The following COL20A1 variants were observed in gnomAD, a reference collection of about 807,000 sequenced individuals.
COL20A1 encodes the protein collagen alpha-1(XX) chain.
In COL20A1, 164 loss-of-function variants were observed where a neutral mutation model predicts 152.9. The observed-to-expected ratio is 1.07, with a 90% confidence interval of 0.94 to 1.22. COL20A1 has a LOEUF of 1.22. Ranked by LOEUF, COL20A1 falls within the 50% of genes most tolerant of loss-of-function variation. The pLI is 0.00. For synonymous variants in COL20A1, 864 were observed against 756.0 expected, an observed-to-expected ratio of 1.14 and a Z score of -2.34; for missense variants, 1,873 against 1,744.8, an observed-to-expected ratio of 1.07 and a Z score of -1.31.
chr20:63,298,787 T>C (rs1297300409), intron 3 of COL20A1, among the ~76,000 whole-genome samples: 1 of 152,140 alleles, frequency 6.6e-6, no homozygotes, highest in Admixed American at 6.5e-5. Context: ...AACCTGACAA[T>C]GGGTGCTAAT....
At chr20:63,295,218 T>C in intron 2 of COL20A1, 29 bp downstream of exon 2, 2 of 1,493,200 alleles carry the variant, frequency 1.3e-6, no homozygotes, top group Non-Finnish European at 1.8e-6. Context: ...GGCCCCTGCT[T>C]GCCCCGAGGC....
intron 2 of COL20A1, among the ~76,000 whole-genome samples, chr20:63,297,585 T>A (rs1199524860): frequency 6.6e-6 from 1 of 152,186 alleles, no homozygotes; most frequent in African/African-American, 2.4e-5. Flanking sequence ...CTGAGCCTCT[T>A]CCTGGTGGGA....
rs772871616 is a variant in COL20A1, at chr20:63,305,974, C to G, written c.431C>G (p.Pro144Arg). The part of the protein sequence containing the change: ...PEPTPSHTGS[P>R]DPEQASEPQV... ...CCCACCCCCTCCCACACGGGGAGCC[C>G]AGACCCTGAGCAGGCTTCTGAGCCC... The change falls in exon 5 of 36, where the codon CCA becomes CGA. Residue 144 changes from proline (P) to arginine (R), a missense_variant. By Grantham distance (103) the Pro-to-Arg change is moderately radical. Coordinates refer to ENST00000358894, the MANE Select transcript of COL20A1 (RefSeq NM_020882.4). The surrounding 1 kb of genome is among the most constrained non-coding windows in gnomAD (Gnocchi z 4.9). 3.6e-5 allele frequency: 58 copies of G among 1,612,692 alleles called. No homozygotes were observed. Among genetic ancestry groups the G allele is most frequent in the Non-Finnish European group, 4.7e-5 (55 of 1,179,830 alleles).
At chr20:63,328,887 G>A (rs1235082742) in intron 34 of COL20A1, among the ~76,000 whole-genome samples, 1 of 131,858 alleles carries the variant, frequency 7.6e-6, no homozygotes, top group Non-Finnish European at 1.6e-5. Flanking sequence ...TGCTTCCTCC[G>A]CCTCTCCCCA....
At chr20:63,322,311 C>G (rs1472361738) in intron 27 of COL20A1, among the ~76,000 whole-genome samples, 200 bp downstream of exon 27, 1 of 152,166 alleles carries the variant, frequency 6.6e-6, no homozygotes, top group Non-Finnish European at 1.5e-5. Context: ...CCCCCATGTG[C>G]CTGCAGGGCG....
At chr20:63,320,928 G>C in intron 25 of COL20A1, 85 bp from the exon 26 acceptor site, 1 of 1,043,992 alleles carries the variant, frequency 9.6e-7, no homozygotes, top group South Asian at 1.4e-5. Context: ...CTGGAGCCCA[G>C]GTGTCATTGG....
chr20:63,326,204 G>A, intron 30 of COL20A1, 55 bp downstream of exon 30: 5 of 1,450,454 alleles, frequency 3.4e-6, no homozygotes, highest in Non-Finnish European at 4.8e-6. Context: ...TGTGTTCCAG[G>A]GGTCAGGCAG....
In COL20A1 at chr20:63,316,680, A is replaced by G. The variant is rs1601427287; in HGVS notation, c.2652A>G (p.Thr884=). Residue 884 remains threonine (T), a synonymous_variant, in exon 21 of 36, where the codon ACA becomes ACG. Transcript: ENST00000358894. ...CGCTCTTCAAGGACGCCCAGCTGAC[A>G]AGACGGGTCAGGTGTGAGGGCAAGG... The part of the protein sequence containing the change: ...TFTLFKDAQL[T]RRVSDVYPAP... The G allele has an allele frequency of 6.4e-7, 1 of 1,565,554 alleles. No individual in the cohort carries two copies. The highest frequency in any genetic ancestry group is 2.4e-5 in the East Asian group (1 of 42,540).
intron 31 of COL20A1, 56 bp from the exon 32 acceptor site, chr20:63,327,896 C>G: frequency 6.5e-7 from 1 of 1,534,936 alleles, no homozygotes; most frequent in South Asian, 1.2e-5. Context: ...TCACACTTGT[C>G]ACGTGTGGTC....
At chr20:63,307,304 C>T (rs919550289) in intron 5 of COL20A1, among the ~76,000 whole-genome samples, 186 bp from the exon 6 acceptor site, 7 of 152,326 alleles carry the variant, frequency 4.6e-5, no homozygotes, top group Non-Finnish European at 7.4e-5. Flanking sequence ...AGCGGTGGCT[C>T]GATGTGCAGC....
intron 10 of COL20A1, 67 bp downstream of exon 10, chr20:63,309,982 A>T: frequency 7.3e-7 from 1 of 1,379,180 alleles, no homozygotes; most frequent in Non-Finnish European, 9.9e-7. Flanking sequence ...GATAAGCCAA[A>T]GGGAGGGCAG....
In COL20A1 at chr20:63,308,086, C is replaced by A; in HGVS notation, c.771C>A (p.Phe257Leu). The A allele has an allele frequency of 6.2e-7, 1 of 1,612,520 alleles. No homozygotes were observed. Among genetic ancestry groups the A allele is most frequent in the South Asian group, 1.1e-5 (1 of 91,070 alleles). Residue 257 changes from phenylalanine to leucine, a missense_variant, in exon 7 of 36, where the codon TTC becomes TTA. By Grantham distance (22) the Phe-to-Leu change is conservative. Coordinates refer to ENST00000358894, the MANE Select transcript of COL20A1 (RefSeq NM_020882.4). ...RRLRYKGGNTFTGLALTHVLG... is the reference protein window; with the variant it reads ...RRLRYKGGNTLTGLALTHVLG... ...TCCGCTACAAGGGGGGGAACACGTT[C>A]ACAGGTACGGCCCAGGCCTGCCCCT...
At chr20:63,315,261 C>T in intron 19 of COL20A1, 143 bp from the exon 20 acceptor site, 1 of 798,418 alleles carries the variant, frequency 1.3e-6, no homozygotes, top group South Asian at 1.5e-5. Context: ...TTGTGGGTGG[C>T]AGATGGGACA....
rs367831166 is a variant in COL20A1 at position 63,320,195 on chromosome 20, G to A, written c.3073G>A (p.Ala1025Thr). 70 of 1,587,142 alleles carry A rather than the reference G, an allele frequency of 4.4e-5. No individual in the cohort carries two copies. The highest frequency in any genetic ancestry group is 1.0e-4 in the South Asian group (9 of 89,460). The change falls in exon 24 of 36, where the codon GCG becomes ACG. Residue 1025 changes from alanine (A) to threonine (T), a missense_variant and splice_region_variant. Physicochemically the swap from Ala to Thr is moderately conservative, Grantham distance 58. Coordinates refer to ENST00000358894, the MANE Select transcript of COL20A1 (RefSeq NM_020882.4). ...KARGPRSSSA[A>T]FQLQMLQIVC... is the part of the protein sequence containing the mutation. Reference sequence around the variant, plus strand: ...CAGGGGCCCCCGGAGCAGTTCGGCCGCGGTGAGTTGGGCCCTGCCCACCTG... The same window carrying A: ...CAGGGGCCCCCGGAGCAGTTCGGCCACGGTGAGTTGGGCCCTGCCCACCTG...
At chr20:63,307,138 G>A (rs975502465) in intron 5 of COL20A1, among the ~76,000 whole-genome samples, 4 of 152,210 alleles carry the variant, frequency 2.6e-5, no homozygotes, top group African/African-American at 7.2e-5. Flanking sequence ...GCCGCGCTGC[G>A]GTGCTCACGG....
chr20:63,296,118 T>A (rs2067791018), intron 2 of COL20A1, among the ~76,000 whole-genome samples: 1 of 152,274 alleles, frequency 6.6e-6, no homozygotes, highest in East Asian at 1.9e-4. Flanking sequence ...TTGAGACCCT[T>A]CCGGGTTTCA....
At chr20:63,315,320 A>T (rs1255055012) in intron 19 of COL20A1, 84 bp from the exon 20 acceptor site, 1 of 1,328,728 alleles carries the variant, frequency 7.5e-7, no homozygotes, top group East Asian at 2.5e-5. Context: ...GGCATCGTCC[A>T]TGAAGTGGCC....
chr20:63,298,067 G>A (rs41298356), intron 3 of COL20A1, 47 bp downstream of exon 3: 89,563 of 1,366,520 alleles, frequency 0.066, 3,404 homozygotes, highest in Middle Eastern at 0.079. Context: ...AGCACGTGCC[G>A]AGGACAGTCA....
rs369899326 is a variant in COL20A1 at position 63,319,996 on chromosome 20, G to A, written c.2917-43G>A. ...GGCCTTGGGGGCTCAGGTGGGCACCGGCCCCGCCTGGGCTGTGGAGAACCT... is the reference window on the plus strand; with the variant it reads ...GGCCTTGGGGGCTCAGGTGGGCACCAGCCCCGCCTGGGCTGTGGAGAACCT... On this transcript the variant is annotated intron_variant, in intron 23 of 35. Coordinates refer to ENST00000358894, the MANE Select transcript of COL20A1 (RefSeq NM_020882.4). This position sits in a 1 kb window ranked among gnomAD's most constrained non-coding sequence, Gnocchi z 4.4. 38 of 1,543,396 alleles carry A rather than the reference G, an allele frequency of 2.5e-5. No individual in the cohort carries two copies. Among genetic ancestry groups the A allele is most frequent in the African/African-American group, 9.6e-5 (7 of 72,956 alleles).
Sources: allele counts gnomAD v4.1 joint callset (sites outside exome capture counted in the v4.1 genomes callset), GRCh38; gene constraint gnomAD v4.1.1; non-coding constraint Gnocchi (gnomAD v3.1); transcripts MANE v1.5; gene names NCBI Gene and HGNC (gene_info 2026-07-23, HGNC 2026-07-21).